DSCAM: variants seen among roughly 807,000 people sequenced by gnomAD.
The protein encoded by DSCAM is DS cell adhesion molecule.
In DSCAM, 47 loss-of-function variants were observed where a neutral mutation model predicts 217.7. That is an observed-to-expected ratio of 0.22 (90% confidence interval 0.17 to 0.28). DSCAM has a LOEUF of 0.28. Ranked by LOEUF, DSCAM falls within the 10% of genes least tolerant of loss-of-function variation. The pLI is 1.00. For synonymous variants in DSCAM, 1,056 were observed against 1,015.3 expected, an observed-to-expected ratio of 1.04 and a Z score of -0.76; for missense variants, 2,080 against 2,618.3, an observed-to-expected ratio of 0.79 and a Z score of 4.49.
At chr21:40,842,053 G>A (rs2092106100) in intron 1 of DSCAM, among the ~76,000 whole-genome samples, 1 of 152,200 alleles carries the variant, frequency 6.6e-6, no homozygotes, top group Admixed American at 6.5e-5. Flanking sequence ...CATCTGCATG[G>A]AGCAGTCCTC....
chr21:40,087,355 C>T (rs2146576972), intron 21 of DSCAM, 68 bp from the exon 22 acceptor site: 1 of 1,225,248 alleles, frequency 8.2e-7, no homozygotes, highest in East Asian at 2.3e-5. Context: ...CCAACATGAC[C>T]TACTCAATAA....
At position 40,141,975 on chromosome 21, in the gene DSCAM, TACACACACACAC is replaced by T. The variant is rs72076559; in HGVS notation, c.3406+571_3406+582del. Among the ~76,000 whole-genome samples the T allele has an allele frequency of 5.6e-5, 8 of 143,204 alleles. 1 individual carries two copies. The highest frequency in any genetic ancestry group is 4.1e-4 in the Admixed American group (6 of 14,520). The allele number at this position is 143,204 out of a possible 152,430, so 93.9% of individuals were successfully genotyped here. ...GAACATTTTGCCCTACCACTTGAAA[TACACACACACAC>T]ACACACACACACGATAAAGAACAAG... On this transcript the variant is annotated intron_variant, in intron 18 of 32. Transcript: ENST00000400454.
Position 40,097,965 on chromosome 21 carries a change from AGAAAGAAAGAAAG to A in DSCAM, c.3697-4104_3697-4092del, listed in dbSNP as rs1568939095. Among the ~76,000 whole-genome samples, 200 of 57,976 alleles carry A rather than the reference AGAAAGAAAGAAAG, an allele frequency of 3.4e-3. 30 individuals are homozygous for A. The highest frequency in any genetic ancestry group is 4.5e-3 in the Admixed American group (20 of 4,492). 38.0% of individuals were successfully genotyped at this position (57,976 alleles called of 152,430 possible). A position where few individuals can be genotyped will look rare whatever the true frequency, so the allele number is the denominator to read the frequency against. ...CAAAAAAAAAAAAAAAAAGAAAGAA[AGAAAGAAAGAAAG>A]AAAGAAAGAAAGAAAGAAAGAAAGA... On this transcript the variant is annotated intron_variant, in intron 20 of 32. Transcript: ENST00000400454.
chr21:40,843,299 C>T (rs747738405), intron 1 of DSCAM, among the ~76,000 whole-genome samples: 1 of 151,860 alleles, frequency 6.6e-6, no homozygotes, highest in Non-Finnish European at 1.5e-5. Context: ...CCCTCAGGCC[C>T]CATGAAAGCG....
intron 3 of DSCAM, among the ~76,000 whole-genome samples, chr21:40,626,345 T>A (rs1319021034): frequency 6.6e-6 from 1 of 152,120 alleles, no homozygotes; most frequent in Non-Finnish European, 1.5e-5. Context: ...CATCATCCCT[T>A]ATGTAGACAC....
chr21:40,619,566 G>A (rs2089451458), intron 3 of DSCAM, among the ~76,000 whole-genome samples: 1 of 152,072 alleles, frequency 6.6e-6, no homozygotes, highest in African/African-American at 2.4e-5. Flanking sequence ...GAAAGGAAAT[G>A]GGTCCCTTTA....
At chr21:40,223,365 C>T (rs1343393852) in intron 11 of DSCAM, among the ~76,000 whole-genome samples, 1 of 152,218 alleles carries the variant, frequency 6.6e-6, no homozygotes, top group Non-Finnish European at 1.5e-5. Flanking sequence ...ATCATCACCG[C>T]TTTCATTCCA....
chr21:40,655,833 C>T (rs188915792), intron 3 of DSCAM, among the ~76,000 whole-genome samples: 192 of 152,136 alleles, frequency 1.3e-3, no homozygotes, highest in Non-Finnish European at 1.9e-3. Flanking sequence ...GTGAGGGGAT[C>T]GCTTGAGTCC....
At chr21:40,236,291 C>T (rs2073076667) in intron 11 of DSCAM, among the ~76,000 whole-genome samples, 2 of 152,114 alleles carry the variant, frequency 1.3e-5, no homozygotes, top group African/African-American at 4.8e-5. Flanking sequence ...ATGAATAAGT[C>T]AAAATATGCT....
chr21:40,701,945 AATTG>A (rs2090661035), intron 2 of DSCAM, among the ~76,000 whole-genome samples: 1 of 152,144 alleles, frequency 6.6e-6, no homozygotes, highest in African/African-American at 2.4e-5. Flanking sequence ...AATTACATCA[AATTG>A]ATTGATAGTG....
chr21:40,767,895 TCTCC>T (rs1304382266), intron 1 of DSCAM, among the ~76,000 whole-genome samples: 3 of 151,958 alleles, frequency 2.0e-5, no homozygotes, highest in East Asian at 1.9e-4. Flanking sequence ...TCTTTCTCTC[TCTCC>T]CTGTGTGTGT....
At chr21:40,406,932 C>A (rs377425643) in intron 3 of DSCAM, among the ~76,000 whole-genome samples, 75 of 152,158 alleles carry the variant, frequency 4.9e-4, no homozygotes, top group African/African-American at 1.7e-3. Context: ...TAGGTAGAAT[C>A]TAAAAACTTG....
chr21:40,429,310 A>C (rs891514234), intron 3 of DSCAM, among the ~76,000 whole-genome samples: 1 of 151,260 alleles, frequency 6.6e-6, no homozygotes, highest in Non-Finnish European at 1.5e-5. Context: ...CTTGTTGCCC[A>C]GGCTGGAGTA....
At chr21:40,509,067 C>T (rs1477140486) in intron 3 of DSCAM, among the ~76,000 whole-genome samples, 1 of 151,934 alleles carries the variant, frequency 6.6e-6, no homozygotes, top group African/African-American at 2.4e-5. Flanking sequence ...ACCTAAAACA[C>T]AAAGTTATTG....
chr21:40,516,000 T>C (rs962923828), intron 3 of DSCAM, among the ~76,000 whole-genome samples: 1 of 152,166 alleles, frequency 6.6e-6, no homozygotes, highest in East Asian at 1.9e-4. Context: ...AAATATGTTC[T>C]GCATGTGTGC....
At position 40,164,253 on chromosome 21, in the gene DSCAM, C is replaced by T. The variant is rs149709702; in HGVS notation, c.3018+2965G>A. On this transcript the variant is annotated intron_variant, in intron 16 of 32. Coordinates refer to ENST00000400454, the MANE Select transcript of DSCAM (RefSeq NM_001389.5). The stretch of plus-strand genomic sequence containing the variant: ...TGGGGGCAGTCATGCACAATCTGAG[C>T]CTCAAATGAGCAGGAATGGACAGGA... 2.4e-4 allele frequency among the ~76,000 whole-genome samples: 37 copies of T among 152,226 alleles called. No homozygotes were observed. The Middle Eastern group carries it at 0.01, about 42-fold the overall frequency.
intron 20 of DSCAM, among the ~76,000 whole-genome samples, chr21:40,110,154 G>T (rs1007715629): frequency 6.6e-6 from 1 of 152,168 alleles, no homozygotes; most frequent in Non-Finnish European, 1.5e-5. Context: ...TAGCCTAACT[G>T]GGAGGCACCC....
At chr21:40,031,040 G>A (rs780741824) in intron 32 of DSCAM, among the ~76,000 whole-genome samples, 39 of 152,276 alleles carry the variant, frequency 2.6e-4, no homozygotes, top group Middle Eastern at 6.8e-3. Flanking sequence ...CTAAGCTGGT[G>A]TTTGTGTCCT....
In DSCAM at chr21:40,282,688, C is replaced by T. The variant is rs74836408; in HGVS notation, c.2183-6418G>A. ...AAGAAACTGAAAATCAAATAACATG[C>T]TGGTGTGGTTTGAAAAATTTACATG... On this transcript the variant is annotated intron_variant, in intron 10 of 32. Transcript: ENST00000400454. Among the ~76,000 whole-genome samples, 1,077 of 148,864 alleles carry T rather than the reference C, an allele frequency of 7.2e-3. 7 individuals are homozygous for T. The highest frequency in any genetic ancestry group is 0.011 in the Non-Finnish European group (756 of 67,338).
Sources: gnomAD v4.1 joint callset for allele counts (sites outside exome capture counted in the v4.1 genomes callset) on GRCh38, gnomAD v4.1.1 for gene constraint, MANE v1.5 for transcripts, NCBI Gene and HGNC (gene_info 2026-07-23, HGNC 2026-07-21) for gene names.